The following SUGP1 variants were observed in gnomAD, a reference collection of about 807,000 sequenced individuals.
SUGP1 encodes SURP and G-patch domain containing 1.
A neutral mutation model predicts 76.5 loss-of-function variants in SUGP1; 34 were observed. That is an observed-to-expected ratio of 0.44 (90% CI 0.34 to 0.59). The LOEUF is 0.59. Ranked by LOEUF, SUGP1 falls within the 20% of genes least tolerant of loss-of-function variation. The pLI is 0.01. For synonymous variants in SUGP1, 326 were observed against 326.2 expected, an observed-to-expected ratio of 1.00 and a Z score of 0.01; for missense variants, 752 against 851.7, an observed-to-expected ratio of 0.88 and a Z score of 1.46.
chr19:19,278,793 C>T lies in SUGP1; in HGVS notation c.1532G>A (p.Trp511Ter), dbSNP rs1304949095. ...GCCCATCTTTGTCAGCTGCTCGGCC[C>T]ATTCTGCTCAGAGAAGCAGAAAGGT... ...RRMEMDKTRE[W>*]AEQLTKMGRG... Residue 511 changes from tryptophan (W) to a stop codon, truncating the protein, a stop_gained, in exon 11 of 14, where the codon TGG becomes TAG. Transcript: ENST00000247001. LOFTEE classifies it high-confidence loss of function. The T allele has an allele frequency of 6.2e-7, 1 of 1,613,018 alleles. No individual in the cohort carries two copies. Among genetic ancestry groups the T allele is most frequent in the Admixed American group, 1.7e-5 (1 of 59,942 alleles).
rs567859185 is a variant in SUGP1, at chr19:19,304,328, G to C, written c.539-481C>G. Among the ~76,000 whole-genome samples, 3 of 152,204 alleles carry C rather than the reference G, an allele frequency of 2.0e-5. No individual in the cohort carries two copies. In the South Asian group the frequency reaches 6.2e-4, roughly 32 times the overall value. ...GCGGCCGGTGGAACCTCTTCAAGCT[G>C]GCTCCTGAGGGCTCTGGACATGGCC... is the stretch of plus-strand genomic sequence containing the variant. On this transcript the variant is annotated intron_variant, in intron 4 of 13. Transcript: ENST00000247001.
intron 10 of SUGP1, 23 bp downstream of exon 10, chr19:19,279,190 G>GCCC: frequency 6.5e-7 from 1 of 1,542,370 alleles, no homozygotes; most frequent in South Asian, 1.2e-5. Context: ...GCCCAGCCCG[G>GCCC]CCCACCCCGC....
At chr19:19,280,091 C>A in intron 9 of SUGP1, 94 bp downstream of exon 9, 1 of 1,236,152 alleles carries the variant, frequency 8.1e-7, no homozygotes, top group South Asian at 1.3e-5. Context: ...CTTGGCGAAG[C>A]ACATGAACCC....
chr19:19,305,694 A>G, intron 4 of SUGP1, 155 bp downstream of exon 4: 1 of 680,892 alleles, frequency 1.5e-6, no homozygotes, highest in African/African-American at 1.8e-5. Flanking sequence ...TGCTCTCCTC[A>G]CCTCAGAGGG....
At position 19,277,254 on chromosome 19, in the gene SUGP1, G is replaced by T. The variant is rs12981966; in HGVS notation, c.1782-178C>A. Among the ~76,000 whole-genome samples, 49 of 150,504 alleles carry T rather than the reference G, an allele frequency of 3.3e-4. 1 individual carries two copies. The highest frequency in any genetic ancestry group is 1.9e-3 in the Admixed American group (29 of 15,196). On this transcript the variant is annotated intron_variant, in intron 12 of 13. Coordinates refer to ENST00000247001, the MANE Select transcript of SUGP1 (RefSeq NM_172231.4). ...GAGGGGAGACCCCCGGGGCGGGCGG[G>T]GGGGGGGGGCCTAGGCCCCAGGGTC... is the stretch of plus-strand genomic sequence containing the variant.
chr19:19,290,406 G>T (rs1228857551), intron 8 of SUGP1, among the ~76,000 whole-genome samples: 1 of 152,180 alleles, frequency 6.6e-6, no homozygotes, highest in African/African-American at 2.4e-5. Flanking sequence ...GCACTTGGGA[G>T]GCGGAAGCAA....
chr19:19,309,899 G>A (rs984117615), intron 3 of SUGP1, among the ~76,000 whole-genome samples, 198 bp downstream of exon 3: 4 of 152,248 alleles, frequency 2.6e-5, no homozygotes, highest in African/African-American at 9.6e-5. Flanking sequence ...GCCACAGAGC[G>A]AGACTCCGTC....
intron 8 of SUGP1, among the ~76,000 whole-genome samples, chr19:19,292,569 G>T (rs2061193960): frequency 6.6e-6 from 1 of 152,086 alleles, no homozygotes; most frequent in Non-Finnish European, 1.5e-5. Context: ...GGGTGTGGTG[G>T]TGGAAGAATT....
intron 7 of SUGP1, among the ~76,000 whole-genome samples, chr19:19,298,256 G>A (rs1354591642): frequency 6.6e-6 from 1 of 152,180 alleles, no homozygotes; most frequent in African/African-American, 2.4e-5. Context: ...CCAGCTCTTT[G>A]GGAGGCCGAG....
chr19:19,282,868 A>G (rs35431065), intron 8 of SUGP1, among the ~76,000 whole-genome samples: 26,332 of 152,064 alleles, frequency 0.17, 2,373 homozygotes, highest in East Asian at 0.33. Flanking sequence ...ACAAGGTCAG[A>G]AGATCGAGAC....
Position 19,306,035 on chromosome 19 carries a change from T to C in SUGP1, c.352A>G (p.Thr118Ala). 2 of 1,608,984 alleles carry C rather than the reference T, an allele frequency of 1.2e-6. No homozygotes were observed. The highest frequency in any genetic ancestry group is 1.7e-4 in the Middle Eastern group (1 of 5,978). The change falls in exon 4 of 14, where the codon ACC becomes GCC. Residue 118 changes from threonine to alanine, a missense_variant. By Grantham distance (58) the Thr-to-Ala change is moderately conservative (BLOSUM62 0). Transcript: ENST00000247001. ...SAPSAPPSTPTPSAGKRSLLI... is the reference protein window; with the variant it reads ...SAPSAPPSTPAPSAGKRSLLI... Reference sequence around the variant, plus strand: ...AGGGACCTCTTCCCAGCGCTGGGGGTGGGTGTGCTGGGAGGGGCGCTGGGC... The same window carrying C: ...AGGGACCTCTTCCCAGCGCTGGGGGCGGGTGTGCTGGGAGGGGCGCTGGGC...
intron 13 of SUGP1, 54 bp downstream of exon 13, chr19:19,276,893 A>G: frequency 5.0e-6 from 8 of 1,604,264 alleles, no homozygotes; most frequent in African/African-American, 1.3e-5. Context: ...TTCTGTTCCT[A>G]CCACCACCCT....
intron 8 of SUGP1, among the ~76,000 whole-genome samples, chr19:19,285,747 T>G (rs1168187441): frequency 6.6e-6 from 1 of 151,884 alleles, no homozygotes. Context: ...TGTGGTTTTT[T>G]GTAGAGACAG....
chr19:19,283,456 C>CT (rs2061115645), intron 8 of SUGP1, among the ~76,000 whole-genome samples: 6 of 147,260 alleles, frequency 4.1e-5, no homozygotes, highest in East Asian at 2.0e-4. Flanking sequence ...TTTTTTCCTT[C>CT]TTTTTTTTCT....
chr19:19,293,161 C>CA (rs1377493687), intron 8 of SUGP1, among the ~76,000 whole-genome samples: 1 of 151,938 alleles, frequency 6.6e-6, no homozygotes, highest in Non-Finnish European at 1.5e-5. Flanking sequence ...CTGCCCACCT[C>CA]AGTCTCCCAA....
chr19:19,293,409 C>A (rs2061200908), intron 8 of SUGP1, among the ~76,000 whole-genome samples: 1 of 151,676 alleles, frequency 6.6e-6, no homozygotes, highest in Non-Finnish European at 1.5e-5. Flanking sequence ...CATGGTGAAA[C>A]CCTGTCTCTA....
chr19:19,289,979 A>G (rs949720046), intron 8 of SUGP1, among the ~76,000 whole-genome samples: 2 of 151,884 alleles, frequency 1.3e-5, no homozygotes, highest in African/African-American at 4.8e-5. Context: ...TATAAGGGCC[A>G]TGTACTCGGC....
rs1266077087 is a variant in SUGP1 at position 19,320,483 on chromosome 19, A to C, written c.14T>G (p.Met5Arg). 2.5e-6 allele frequency: 4 copies of C among 1,609,842 alleles called. No individual in the cohort carries two copies. The highest frequency in any genetic ancestry group is 2.7e-5 in the African/African-American group (2 of 74,886). MSLK[M>R]DNRDVAGKAN... ...GTTACCTGCAACATCCCGGTTGTCC[A>C]TCTTGAGACTCATCCAATCCCACAA... is the stretch of plus-strand genomic sequence containing the variant. Residue 5 changes from methionine to arginine, a missense_variant, in exon 1 of 14, where the codon ATG becomes AGG. By Grantham distance (91) the Met-to-Arg change is moderately conservative. Around this residue, in one of 2 missense-constraint regions of SUGP1, gnomAD observed 620 missense variants for 617.3 expected, o/e 1.00. Coordinates refer to ENST00000247001, the MANE Select transcript of SUGP1 (RefSeq NM_172231.4).
chr19:19,294,370 A>G (rs1599855405), intron 8 of SUGP1, among the ~76,000 whole-genome samples: 3 of 152,026 alleles, frequency 2.0e-5, no homozygotes, highest in East Asian at 1.9e-4. Flanking sequence ...CAAAAAGTAC[A>G]AAAGTTAGCC....
Sources: gnomAD v4.1 joint callset for allele counts (sites outside exome capture counted in the v4.1 genomes callset) on GRCh38, gnomAD v4.1.1 for gene constraint, gnomAD v4.1.1 regional missense constraint, MANE v1.5 for transcripts, NCBI Gene and HGNC (gene_info 2026-07-23, HGNC 2026-07-21) for gene names.